GFRA1: variants seen among roughly 807,000 people sequenced by gnomAD.
GFRA1 encodes the protein GDNF family receptor alpha 1.
GFRA1 carries 16 observed loss-of-function variants against 51.6 expected under a neutral mutation model. The observed-to-expected ratio is 0.31, with a 90% CI of 0.21 to 0.47. The LOEUF (loss-of-function observed/expected upper bound fraction) is 0.47. GFRA1 is among the 20% of genes least tolerant of loss of function. The pLI is 1.00. For missense variants in GFRA1, 530 were observed against 594.3 expected, an observed-to-expected ratio of 0.89 and a Z score of 1.13; for synonymous variants, 270 against 241.3, an observed-to-expected ratio of 1.12 and a Z score of -1.10.
chr10:116,232,958 A>G (rs537942360), intron 4 of GFRA1, among the ~76,000 whole-genome samples: 1 of 152,294 alleles, frequency 6.6e-6, no homozygotes, highest in African/African-American at 2.4e-5. Flanking sequence ...GTTCAGGCCA[A>G]AGAACAAGTT....
intron 6 of GFRA1, among the ~76,000 whole-genome samples, chr10:116,110,778 G>A (rs1485949059): frequency 6.6e-6 from 1 of 152,136 alleles, no homozygotes; most frequent in Non-Finnish European, 1.5e-5. Context: ...TGGCCATGGT[G>A]GGACAGGAAC....
intron 5 of GFRA1, among the ~76,000 whole-genome samples, chr10:116,139,500 G>C (rs1272100932): frequency 6.6e-6 from 1 of 152,232 alleles, no homozygotes; most frequent in African/African-American, 2.4e-5. Context: ...AGAAACGCTT[G>C]CTTGAATGGT....
intron 5 of GFRA1, among the ~76,000 whole-genome samples, chr10:116,158,086 C>T (rs1250616350): frequency 6.6e-6 from 1 of 152,178 alleles, no homozygotes; most frequent in Non-Finnish European, 1.5e-5. Flanking sequence ...ATTCCTACTT[C>T]CTCAGGAATA....
At chr10:116,158,092 G>A (rs1959342648) in intron 5 of GFRA1, among the ~76,000 whole-genome samples, 1 of 152,104 alleles carries the variant, frequency 6.6e-6, no homozygotes, top group Non-Finnish European at 1.5e-5. Context: ...ACTTCCTCAG[G>A]AATAGTCCCT....
chr10:116,104,833 C>T (rs1956948584), intron 6 of GFRA1, among the ~76,000 whole-genome samples: 1 of 152,172 alleles, frequency 6.6e-6, no homozygotes, highest in East Asian at 1.9e-4. Context: ...GCAAGAAAAT[C>T]CATTCCAACT....
intron 5 of GFRA1, among the ~76,000 whole-genome samples, chr10:116,144,784 A>C (rs1167885458): frequency 6.6e-6 from 1 of 152,310 alleles, no homozygotes; most frequent in Middle Eastern, 3.4e-3. Flanking sequence ...TGAGATAGTA[A>C]AGCAATTTTT....
intron 4 of GFRA1, among the ~76,000 whole-genome samples, chr10:116,256,057 T>C (rs920601423): frequency 1.3e-5 from 2 of 152,172 alleles, no homozygotes; most frequent in African/African-American, 4.8e-5. Context: ...ACCGGTTTCC[T>C]GCACAGCTCA....
chr10:116,198,118 G>A (rs1055973576), intron 5 of GFRA1, among the ~76,000 whole-genome samples: 2 of 152,204 alleles, frequency 1.3e-5, no homozygotes, highest in Non-Finnish European at 2.9e-5. Context: ...GGTGGTCCAA[G>A]CCTAGGAAGC....
chr10:116,251,066 C>T (rs151042104), intron 4 of GFRA1, among the ~76,000 whole-genome samples: 5 of 152,346 alleles, frequency 3.3e-5, no homozygotes, highest in Non-Finnish European at 5.9e-5. Context: ...AAAGGGTCCC[C>T]TTCTCCCCTC....
At chr10:116,158,906 C>T (rs906340077) in intron 5 of GFRA1, among the ~76,000 whole-genome samples, 1 of 152,196 alleles carries the variant, frequency 6.6e-6, no homozygotes, top group South Asian at 2.1e-4. Flanking sequence ...ATGAGCCATG[C>T]ACATGGTCCT....
At chr10:116,085,141 A>G (rs2694773) in intron 9 of GFRA1, among the ~76,000 whole-genome samples, 24,025 of 152,080 alleles carry the variant, frequency 0.16, 2,492 homozygotes, top group East Asian at 0.41. Flanking sequence ...TTTCATAGGA[A>G]CCATGGATGC....
rs139461776 is a variant in GFRA1, at chr10:116,148,435, G to A, written c.434-22878C>T. On this transcript the variant is annotated intron_variant, in intron 5 of 10. Coordinates refer to ENST00000355422, the MANE Select transcript of GFRA1 (RefSeq NM_005264.8). ...TTCTGACCCCTGTGATCATGCAAATGTGAGCAAGTCATTCACCTCTGTGCC... is the reference window on the plus strand; with the variant it reads ...TTCTGACCCCTGTGATCATGCAAATATGAGCAAGTCATTCACCTCTGTGCC... Among the ~76,000 whole-genome samples, 4 of 152,286 alleles carry A rather than the reference G, an allele frequency of 2.6e-5. No homozygotes were observed. The East Asian group carries it at 5.8e-4, about 22-fold the overall frequency.
chr10:116,186,553 G>T (rs1308390886), intron 5 of GFRA1, among the ~76,000 whole-genome samples: 1 of 136,162 alleles, frequency 7.3e-6, no homozygotes, highest in African/African-American at 2.8e-5. Context: ...ATCTGCATAA[G>T]GCAGAGGAAA....
chr10:116,201,420 G>A (rs1964320991), intron 5 of GFRA1, among the ~76,000 whole-genome samples: 1 of 152,090 alleles, frequency 6.6e-6, no homozygotes. Flanking sequence ...TCTCAACCCA[G>A]AGTCTGCCAG....
Position 116,062,041 on chromosome 10 carries a change from A to G in GFRA1, c.*2357T>C. The G allele has an allele frequency of 7.5e-6, 3 of 398,644 alleles. No homozygotes were observed. The highest frequency in any genetic ancestry group is 1.3e-5 in the Non-Finnish European group (3 of 226,056). The allele number at this position is 398,644 out of a possible 1,614,324, so 24.7% of individuals were successfully genotyped here. On this transcript the variant is annotated 3_prime_UTR_variant, in exon 11 of 11. Transcript: ENST00000355422. ...GAAAAATGAGATATTTGTTGGTGAC[A>G]GATGAGGCTTTTCAAAATGTAATTT...
chr10:116,118,691 T>C (rs1957526082), intron 6 of GFRA1, among the ~76,000 whole-genome samples: 1 of 152,200 alleles, frequency 6.6e-6, no homozygotes, highest in Non-Finnish European at 1.5e-5. Flanking sequence ...CGATAAAAGA[T>C]GGTCTGGTGC....
intron 9 of GFRA1, among the ~76,000 whole-genome samples, chr10:116,079,168 C>T (rs186361000): frequency 2.2e-4 from 33 of 152,148 alleles, no homozygotes; most frequent in African/African-American, 6.7e-4. Context: ...AGTAGGAAGG[C>T]GGCCATCTGC....
chr10:116,263,218 C>A (rs896587393), intron 4 of GFRA1, among the ~76,000 whole-genome samples: 1 of 152,156 alleles, frequency 6.6e-6, no homozygotes, highest in African/African-American at 2.4e-5. Flanking sequence ...ATAGAATCAT[C>A]ATTCTCTGAT....
intron 9 of GFRA1, among the ~76,000 whole-genome samples, chr10:116,075,176 C>G (rs1371424047): frequency 6.6e-6 from 1 of 152,058 alleles, no homozygotes; most frequent in African/African-American, 2.4e-5. Context: ...ATCTTCCCAT[C>G]CTCTCTCTAA....
Sources: allele counts gnomAD v4.1 joint callset (sites outside exome capture counted in the v4.1 genomes callset), GRCh38; gene constraint gnomAD v4.1.1; transcripts MANE v1.5; gene names NCBI Gene and HGNC (gene_info 2026-07-23, HGNC 2026-07-21).